Variants in GSE1 observed in about 807,000 individuals in gnomAD.
The protein encoded by GSE1 is Gse1 coiled-coil protein.
Under a neutral mutation model 112.6 loss-of-function variants are expected in GSE1, and 32 were observed. The observed-to-expected ratio is 0.28, with a 90% CI of 0.21 to 0.38. GSE1 has a LOEUF of 0.38. Among genes scored for constraint, GSE1 ranks in the 10% least tolerant of loss-of-function variants. The probability of loss-of-function intolerance (pLI) is 1.00; values close to 1 mark genes in which losing one functional copy is unlikely to be tolerated. For synonymous variants in GSE1, 1,115 were observed against 735.6 expected (o/e 1.52, Z -8.35); for missense variants, 2,348 against 1,699.2 (o/e 1.38, Z -6.71).
At chr16:85,369,796 C>T (rs920462037) in intron 2 of GSE1, among the ~76,000 whole-genome samples, 2 of 152,352 alleles carry the variant, frequency 1.3e-5, no homozygotes, top group Admixed American at 1.3e-4. Context: ...GGTGTCCATG[C>T]TCACAATTAG....
intron 1 of GSE1, among the ~76,000 whole-genome samples, chr16:85,287,601 G>A (rs896584689): frequency 3.3e-5 from 5 of 152,068 alleles, no homozygotes; most frequent in East Asian, 3.9e-4. Flanking sequence ...ATTTCCACAC[G>A]GCTCCTCCCT....
chr16:85,302,022 G>T (rs1026685102), intron 1 of GSE1, among the ~76,000 whole-genome samples: 1 of 152,176 alleles, frequency 6.6e-6, no homozygotes, highest in African/African-American at 2.4e-5. Flanking sequence ...CTCCAGGCAG[G>T]GCTGTTTCCA....
intron 1 of GSE1, among the ~76,000 whole-genome samples, chr16:85,230,936 G>T (rs1410107983): frequency 1.3e-5 from 2 of 151,504 alleles, no homozygotes; most frequent in Non-Finnish European, 2.9e-5. Flanking sequence ...TGAATGAATG[G>T]ATGGACAGAC....
chr16:85,443,487 G>A (rs1402219910), intron 2 of GSE1, among the ~76,000 whole-genome samples: 1 of 152,254 alleles, frequency 6.6e-6, no homozygotes, highest in African/African-American at 2.4e-5. Flanking sequence ...GAAATGGATG[G>A]AAGGCGCTTC....
intron 2 of GSE1, among the ~76,000 whole-genome samples, chr16:85,401,316 AT>A (rs371414531): frequency 1.6e-3 from 190 of 117,016 alleles, no homozygotes; most frequent in African/African-American, 6.1e-3. Context: ...GGCCAGGAAG[AT>A]TTAGTACTGC....
intron 1 of GSE1, among the ~76,000 whole-genome samples, chr16:85,283,919 C>T (rs536578555): frequency 6.6e-5 from 10 of 152,300 alleles, no homozygotes; most frequent in East Asian, 1.9e-4. Context: ...TGCTTTTATC[C>T]GCTCCACCAC....
chr16:85,441,080 A>C (rs2049364981), intron 2 of GSE1, among the ~76,000 whole-genome samples: 1 of 152,208 alleles, frequency 6.6e-6, no homozygotes, highest in Non-Finnish European at 1.5e-5. Flanking sequence ...CTGTGGCAGC[A>C]GAGTGTGGAC....
intron 2 of GSE1, among the ~76,000 whole-genome samples, chr16:85,388,317 T>TGAATGGATGTATGGCTGGGTAGATG: frequency 1.0e-5 from 1 of 95,848 alleles, no homozygotes; most frequent in Non-Finnish European, 2.1e-5. Flanking sequence ...GATGGATGGA[T>TGAATGGATGTATGGCTGGGTAGATG]GGATGGATGG....
chr16:85,191,197 C>G (rs536584420), intron 1 of GSE1, among the ~76,000 whole-genome samples: 3 of 152,112 alleles, frequency 2.0e-5, no homozygotes, highest in African/African-American at 7.2e-5. Flanking sequence ...GAAGCAGAGG[C>G]TGCAGTGAGC....
chr16:85,612,617 T>G (rs1345775166), upstream of GSE1, among the ~76,000 whole-genome samples: 5 of 138,452 alleles, frequency 3.6e-5, no homozygotes, highest in Non-Finnish European at 7.7e-5. Flanking sequence ...TACTTAAAAC[T>G]GGGGGGTGGG....
At chr16:85,317,884 G>A (rs71389113) in intron 1 of GSE1, among the ~76,000 whole-genome samples, 7,593 of 152,310 alleles carry the variant, frequency 0.05, 339 homozygotes, top group African/African-American at 0.12. Context: ...GAATCGTCAG[G>A]TGTTTTGGAC....
At chr16:85,588,051 C>T (rs1280620311) in intron 1 of GSE1, among the ~76,000 whole-genome samples, 1 of 152,224 alleles carries the variant, frequency 6.6e-6, no homozygotes, top group Non-Finnish European at 1.5e-5. Context: ...CTTCGTCCTC[C>T]TCTTTCCAGA....
intron 1 of GSE1, among the ~76,000 whole-genome samples, chr16:85,618,174 A>G (rs943588908): frequency 1.3e-5 from 2 of 151,994 alleles, no homozygotes; most frequent in African/African-American, 4.8e-5. Context: ...GGTGTGTGTA[A>G]TAGTGGCTTT....
At chr16:85,551,896 AG>A (rs2044932062), upstream of GSE1, among the ~76,000 whole-genome samples, 1 of 152,242 alleles carries the variant, frequency 6.6e-6, no homozygotes, top group Non-Finnish European at 1.5e-5. Flanking sequence ...AAGATCAGCC[AG>A]GAGCTGGCCC....
intron 2 of GSE1, among the ~76,000 whole-genome samples, chr16:85,365,982 C>T (rs185393222): frequency 7.9e-5 from 12 of 152,362 alleles, no homozygotes; most frequent in Admixed American, 2.0e-4. Context: ...GCCTGGCACA[C>T]GGGAATGTGT....
chr16:85,613,518 G>A (rs983805967), intron 1 of GSE1, 120 bp downstream of exon 1: 4 of 933,110 alleles, frequency 4.3e-6, no homozygotes, highest in South Asian at 3.4e-5. Flanking sequence ...CAACTTCCCC[G>A]GAGTGTTAGC....
At chr16:85,532,007 G>T (rs1333838745) in intron 2 of GSE1, among the ~76,000 whole-genome samples, 1 of 152,192 alleles carries the variant, frequency 6.6e-6, no homozygotes, top group Non-Finnish European at 1.5e-5. Flanking sequence ...GGTGTCTAGG[G>T]AGACAGTAAC....
At chr16:85,389,779 C>A (rs1248631465) in intron 2 of GSE1, among the ~76,000 whole-genome samples, 1 of 152,212 alleles carries the variant, frequency 6.6e-6, no homozygotes, top group Non-Finnish European at 1.5e-5. Flanking sequence ...CCCATTGAAT[C>A]CCCACGAGCC....
intron 2 of GSE1, among the ~76,000 whole-genome samples, chr16:85,482,195 C>T (rs2050701166): frequency 1.3e-5 from 2 of 151,774 alleles, no homozygotes; most frequent in Non-Finnish European, 2.9e-5. Flanking sequence ...GGAGAAGAGC[C>T]GTGGGTGATG....
Sources: allele counts gnomAD v4.1 joint callset (sites outside exome capture counted in the v4.1 genomes callset), GRCh38; gene constraint gnomAD v4.1.1; transcripts MANE v1.5; gene names NCBI Gene and HGNC (gene_info 2026-07-23, HGNC 2026-07-21).